Variants in DOCK10 observed in about 807,000 individuals in gnomAD.
DOCK10 encodes dedicator of cytokinesis 10.
In DOCK10, 145 loss-of-function variants were observed where a neutral mutation model predicts 280.1. The observed-to-expected ratio is 0.52, with a 90% CI of 0.45 to 0.59. The LOEUF (loss-of-function observed/expected upper bound fraction) is 0.59, where lower values mean the gene tolerates loss of function less well. DOCK10 is among the 20% of genes least tolerant of loss of function. DOCK10 has a pLI of 0.00. For synonymous variants in DOCK10, 915 were observed against 942.2 expected, an observed-to-expected ratio of 0.97 and a Z score of 0.53; for missense variants, 2,368 against 2,651.7, an observed-to-expected ratio of 0.89 and a Z score of 2.35.
chr2:225,002,793 G>T (rs1225067073), intron 1 of DOCK10, among the ~76,000 whole-genome samples: 1 of 151,916 alleles, frequency 6.6e-6, no homozygotes, highest in African/African-American at 2.4e-5. Flanking sequence ...AACCACATCA[G>T]TGTGGTCTGT....
At chr2:224,976,960 C>T (rs1019837909) in intron 1 of DOCK10, among the ~76,000 whole-genome samples, 12 of 152,226 alleles carry the variant, frequency 7.9e-5, no homozygotes, top group African/African-American at 2.9e-4. Flanking sequence ...AGTGCTGGAC[C>T]GAGCAAATTC....
At chr2:224,953,635 C>T (rs773859614) in intron 1 of DOCK10, among the ~76,000 whole-genome samples, 3 of 152,102 alleles carry the variant, frequency 2.0e-5, no homozygotes, top group Non-Finnish European at 4.4e-5. Flanking sequence ...GACAAAACCT[C>T]GTATTTCTAA....
intron 3 of DOCK10, among the ~76,000 whole-genome samples, chr2:224,913,271 G>A (rs1179514870): frequency 6.6e-6 from 1 of 151,872 alleles, no homozygotes; most frequent in Non-Finnish European, 1.5e-5. Flanking sequence ...TGTTATTATT[G>A]CTAAATGGTA....
In DOCK10 at chr2:224,886,118, C is replaced by A; in HGVS notation, c.557G>T (p.Gly186Val). Residue 186 changes from glycine (G) to valine (V), a missense_variant, in exon 6 of 56, where the codon GGC (glycine) becomes GTC (valine). Around this residue, in one of 2 missense-constraint regions of DOCK10, gnomAD observed 1,209 missense variants for 1,250.9 expected, o/e 0.97. Transcript: ENST00000258390. ...GAGGTGVFKS[G>V]WLYKGNFNST... Reference sequence around the variant, plus strand: ...GTTAAAATTCCCCTTGTAGAGCCAGCCGGACTTGAAAACACCAGTTCCTCC... The same window carrying A: ...GTTAAAATTCCCCTTGTAGAGCCAGACGGACTTGAAAACACCAGTTCCTCC... 6.2e-7 allele frequency: 1 copy of A among 1,613,818 alleles called. No homozygotes were observed. Among genetic ancestry groups the A allele is most frequent in the Non-Finnish European group, 8.5e-7 (1 of 1,179,862 alleles).
intron 1 of DOCK10, among the ~76,000 whole-genome samples, chr2:225,034,670 C>G (rs1690174472): frequency 6.6e-6 from 1 of 152,142 alleles, no homozygotes; most frequent in Non-Finnish European, 1.5e-5. Context: ...AGCAAATATA[C>G]TATAAAAGTA....
chr2:224,980,185 G>A (rs1705673149), intron 1 of DOCK10, among the ~76,000 whole-genome samples: 1 of 152,158 alleles, frequency 6.6e-6, no homozygotes, highest in South Asian at 2.1e-4. Flanking sequence ...TCCTTCGTCA[G>A]AATCAACTGG....
intron 26 of DOCK10, among the ~76,000 whole-genome samples, chr2:224,832,107 G>T: frequency 6.6e-6 from 1 of 152,170 alleles, no homozygotes; most frequent in East Asian, 1.9e-4. Flanking sequence ...CGCACCCCTT[G>T]CATCCTCTCT....
chr2:224,794,179 C>T (rs1692396073), intron 45 of DOCK10, among the ~76,000 whole-genome samples: 1 of 152,226 alleles, frequency 6.6e-6, no homozygotes, highest in Non-Finnish European at 1.5e-5. Flanking sequence ...GGTTTCCATT[C>T]CAGAGTCCCT....
intron 22 of DOCK10, among the ~76,000 whole-genome samples, chr2:224,843,281 G>T (rs1696096871): frequency 6.6e-6 from 1 of 152,136 alleles, no homozygotes; most frequent in Non-Finnish European, 1.5e-5. Flanking sequence ...GAAAACTGAG[G>T]TAAATGCTGC....
At chr2:224,855,090 C>CACACACAG (rs1553598438) in intron 15 of DOCK10, 48 bp from the exon 16 acceptor site, 1 of 1,176,802 alleles carries the variant, frequency 8.5e-7, no homozygotes, top group Non-Finnish European at 1.2e-6. Context: ...CACACACACA[C>CACACACAG]ACACACACAC....
At chr2:224,820,971 C>A (rs748008902) in intron 28 of DOCK10, among the ~76,000 whole-genome samples, 1 of 152,150 alleles carries the variant, frequency 6.6e-6, no homozygotes, top group East Asian at 1.9e-4. Context: ...TATTGTGCTT[C>A]ATAAAAAGAG....
At chr2:225,010,795 A>G (rs1271265956) in intron 1 of DOCK10, among the ~76,000 whole-genome samples, 1 of 151,460 alleles carries the variant, frequency 6.6e-6, no homozygotes, top group African/African-American at 2.5e-5. Flanking sequence ...CAGAATGAGA[A>G]ACAAGATAAA....
intron 18 of DOCK10, among the ~76,000 whole-genome samples, chr2:224,851,248 G>A (rs901774867): frequency 6.6e-6 from 1 of 152,136 alleles, no homozygotes; most frequent in Non-Finnish European, 1.5e-5. Flanking sequence ...ATGCAGTGAA[G>A]CAAGGGACGC....
intron 27 of DOCK10, among the ~76,000 whole-genome samples, chr2:224,824,737 C>T (rs1694731781): frequency 6.6e-6 from 1 of 151,908 alleles, no homozygotes; most frequent in Admixed American, 6.6e-5. Context: ...CCCAGCCTTA[C>T]TTCTGATAAG....
chr2:225,025,203 A>C (rs1689888010), intron 1 of DOCK10, among the ~76,000 whole-genome samples: 1 of 152,182 alleles, frequency 6.6e-6, no homozygotes, highest in Non-Finnish European at 1.5e-5. Flanking sequence ...AAGAATTCTG[A>C]GTAAGAATCG....
chr2:224,776,031 A>G (rs1690836365), intron 51 of DOCK10, among the ~76,000 whole-genome samples: 1 of 151,408 alleles, frequency 6.6e-6, no homozygotes, highest in Non-Finnish European at 1.5e-5. Context: ...TTTTTTAAAC[A>G]AACTGCTTTG....
At chr2:224,780,699 G>C (rs1443396372) in intron 50 of DOCK10, among the ~76,000 whole-genome samples, 2 of 152,072 alleles carry the variant, frequency 1.3e-5, no homozygotes, top group Middle Eastern at 6.8e-3. Context: ...ACAAGAGATC[G>C]AGACCATCCT....
At chr2:224,885,044 G>T (rs184490233) in intron 7 of DOCK10, among the ~76,000 whole-genome samples, 1 of 152,296 alleles carries the variant, frequency 6.6e-6, no homozygotes, top group East Asian at 1.9e-4. Context: ...CTGTCACCCA[G>T]TCTGGAGTGC....
At chr2:224,997,951 G>A (rs1706320074) in intron 1 of DOCK10, among the ~76,000 whole-genome samples, 1 of 152,144 alleles carries the variant, frequency 6.6e-6, no homozygotes, top group South Asian at 2.1e-4. Context: ...TGGGCGTGTA[G>A]GCATGGAGAT....
Sources: allele counts gnomAD v4.1 joint callset (sites outside exome capture counted in the v4.1 genomes callset), GRCh38; gene constraint gnomAD v4.1.1; regional missense constraint gnomAD v4.1.1; transcripts MANE v1.5; gene names NCBI Gene and HGNC (gene_info 2026-07-23, HGNC 2026-07-21).